The following SLC35F4 variants were observed in gnomAD, a reference collection of about 807,000 sequenced individuals.
SLC35F4 encodes chromosome 14 open reading frame 36.
In SLC35F4, 24 loss-of-function variants were observed where a neutral mutation model predicts 44.2. The ratio of observed to expected loss-of-function variants is 0.54; its 90% confidence interval spans 0.39 to 0.76. SLC35F4 has a LOEUF of 0.76. Ranked by LOEUF, SLC35F4 falls within the 30% of genes least tolerant of loss-of-function variation. The pLI, the probability that SLC35F4 is intolerant of heterozygous loss-of-function variation, is 0.00. For missense variants in SLC35F4, 562 were observed against 586.1 expected, an observed-to-expected ratio of 0.96 and a Z score of 0.42; for synonymous variants, 238 against 223.6, an observed-to-expected ratio of 1.06 and a Z score of -0.57.
chr14:57,844,878 T>C (rs574172646), intron 1 of SLC35F4, among the ~76,000 whole-genome samples: 1 of 152,224 alleles, frequency 6.6e-6, no homozygotes, highest in East Asian at 1.9e-4. Context: ...CCTTTGTTAC[T>C]AGTAGAGGGG....
At chr14:57,593,790 G>C (rs2070332818) in intron 2 of SLC35F4, 149 bp downstream of exon 2, 1 of 828,308 alleles carries the variant, frequency 1.2e-6, no homozygotes, top group South Asian at 1.9e-5. Context: ...ATATTTCCCT[G>C]CTTCCTTATC....
chr14:57,901,287 T>C (rs1473342543), intron 1 of SLC35F4, among the ~76,000 whole-genome samples: 1 of 152,152 alleles, frequency 6.6e-6, no homozygotes, highest in African/African-American at 2.4e-5. Flanking sequence ...CCATCAATGA[T>C]AAACTGGATA....
chr14:57,819,053 T>G (rs1358249462), intron 1 of SLC35F4, among the ~76,000 whole-genome samples: 1 of 152,132 alleles, frequency 6.6e-6, no homozygotes, highest in East Asian at 1.9e-4. Flanking sequence ...TTAAAAAAAT[T>G]TTTTGAGGGG....
chr14:57,902,218 C>T (rs1291456539), intron 1 of SLC35F4, among the ~76,000 whole-genome samples: 1 of 152,152 alleles, frequency 6.6e-6, no homozygotes, highest in African/African-American at 2.4e-5. Context: ...TTTGAGAAAG[C>T]AATTTGGTGA....
At chr14:57,905,837 A>G (rs1211184064) in intron 1 of SLC35F4, among the ~76,000 whole-genome samples, 1 of 152,178 alleles carries the variant, frequency 6.6e-6, no homozygotes, top group East Asian at 1.9e-4. Context: ...TGTGCCAGCT[A>G]CAGGAGACAG....
intron 1 of SLC35F4, among the ~76,000 whole-genome samples, chr14:57,850,609 A>G (rs1886470513): frequency 6.6e-6 from 1 of 152,228 alleles, no homozygotes; most frequent in African/African-American, 2.4e-5. Flanking sequence ...TATGGATATA[A>G]CATGATACTT....
chr14:57,841,436 G>A (rs1252109188), intron 1 of SLC35F4, among the ~76,000 whole-genome samples: 1 of 152,086 alleles, frequency 6.6e-6, no homozygotes, highest in Non-Finnish European at 1.5e-5. Flanking sequence ...GGGTTAAGTG[G>A]AAATCCAACT....
rs58354722 is a variant in SLC35F4, at chr14:57,885,371, T to C, written n.282+96542A>G. 2.0e-5 allele frequency among the ~76,000 whole-genome samples: 3 copies of C among 152,244 alleles called. No homozygotes were observed. The South Asian group carries it at 6.2e-4, about 32-fold the overall frequency. On this transcript the variant is annotated intron_variant and non_coding_transcript_variant, in intron 1 of 1. Transcript: ENST00000556568. ...CCTATGGAAGAAGCTTAGAACAGTG[T>C]CTGGCACAGAATAAGTGCAGCGCAA...
At chr14:57,822,385 G>C (rs1199161052) in intron 1 of SLC35F4, among the ~76,000 whole-genome samples, 2 of 152,168 alleles carry the variant, frequency 1.3e-5, no homozygotes, top group African/African-American at 4.8e-5. Context: ...ATCAAGGTCA[G>C]CATTGTGAAC....
rs143275794 is a variant in SLC35F4, at chr14:57,591,412, G to A, written c.290-1899C>T. Among the ~76,000 whole-genome samples, 153 of 152,304 alleles carry A rather than the reference G, an allele frequency of 1.0e-3. No homozygotes were observed. The Middle Eastern group carries it at 0.014, about 14-fold the overall frequency. ...AGACAACACAGTCTCTTGATAACAG[G>A]TCTGCAAATTTCCTCCATGACCATG... On this transcript the variant is annotated intron_variant, in intron 2 of 7. Transcript: ENST00000556826.
At chr14:57,894,109 T>C (rs1297393576) in intron 1 of SLC35F4, among the ~76,000 whole-genome samples, 1 of 152,148 alleles carries the variant, frequency 6.6e-6, no homozygotes. Context: ...TATACAATTA[T>C]ACTCCTATTA....
chr14:57,565,455 A>G (rs1375334021), intron 7 of SLC35F4, among the ~76,000 whole-genome samples: 2 of 151,872 alleles, frequency 1.3e-5, no homozygotes, highest in South Asian at 2.1e-4. Flanking sequence ...TAATTACTCA[A>G]TTTTTTTTCC....
chr14:57,731,837 T>A (rs1298549057), intron 1 of SLC35F4, among the ~76,000 whole-genome samples: 1 of 152,200 alleles, frequency 6.6e-6, no homozygotes, highest in Non-Finnish European at 1.5e-5. Flanking sequence ...TAATTAAACA[T>A]CTCTGCTTGT....
intron 1 of SLC35F4, among the ~76,000 whole-genome samples, chr14:57,724,136 G>A (rs1447898577): frequency 6.6e-6 from 1 of 152,228 alleles, no homozygotes; most frequent in African/African-American, 2.4e-5. Context: ...TGACCTGAAA[G>A]GCTGCCAGTT....
At chr14:57,893,317 A>C (rs1270544186) in intron 1 of SLC35F4, among the ~76,000 whole-genome samples, 1 of 152,214 alleles carries the variant, frequency 6.6e-6, no homozygotes, top group Non-Finnish European at 1.5e-5. Context: ...TACATTAAGC[A>C]TGTACTATCT....
intron 1 of SLC35F4, among the ~76,000 whole-genome samples, chr14:57,919,703 A>C (rs1889403890): frequency 6.6e-6 from 1 of 152,210 alleles, no homozygotes; most frequent in African/African-American, 2.4e-5. Flanking sequence ...ACACCAAGCC[A>C]TGAAATAACA....
chr14:57,981,085 T>A (rs1238112884), intron 1 of SLC35F4, among the ~76,000 whole-genome samples: 1 of 152,134 alleles, frequency 6.6e-6, no homozygotes, highest in African/African-American at 2.4e-5. Flanking sequence ...ACTTCTGAGC[T>A]CCCTTCCCAC....
At chr14:57,583,710 C>G (rs1019480706) in intron 3 of SLC35F4, among the ~76,000 whole-genome samples, 1 of 152,152 alleles carries the variant, frequency 6.6e-6, no homozygotes, top group African/African-American at 2.4e-5. Flanking sequence ...TCACTGCCGA[C>G]CTTCTCCCCT....
rs75094154 is a variant in SLC35F4, at chr14:57,844,535, G to A, written c.103+21188C>T. 9.2e-5 allele frequency among the ~76,000 whole-genome samples: 14 copies of A among 152,246 alleles called. No individual in the cohort carries two copies. In the East Asian group the frequency reaches 2.1e-3, roughly 23 times the overall value. On this transcript the variant is annotated intron_variant, in intron 1 of 7. Transcript: ENST00000556826. ...GTATGATCATAATTCCACCAATATT[G>A]TTCTCCTATACTGTGTCAGGCACAC...
Sources: gnomAD v4.1 joint callset for allele counts (sites outside exome capture counted in the v4.1 genomes callset) on GRCh38, gnomAD v4.1.1 for gene constraint, MANE v1.5 for transcripts, NCBI Gene and HGNC (gene_info 2026-07-23, HGNC 2026-07-21) for gene names.